EPHA7: variants seen among roughly 807,000 people sequenced by gnomAD.
The protein encoded by EPHA7 is EPH receptor A7, also known as ephrin type-A receptor 7.
Under a neutral mutation model 112.6 loss-of-function variants are expected in EPHA7, and 25 were observed. The observed-to-expected ratio is 0.22, with a 90% CI of 0.16 to 0.31. The LOEUF is 0.31. Among genes scored for constraint, EPHA7 ranks in the 10% least tolerant of loss-of-function variants. The pLI is 1.00. For synonymous variants in EPHA7, 437 were observed against 406.5 expected (o/e 1.07, Z -0.90); for missense variants, 962 against 1,212.6 (o/e 0.79, Z 3.07).
chr6:93,247,593 A>G (rs1483645512), intron 14 of EPHA7, among the ~76,000 whole-genome samples: 2 of 152,154 alleles, frequency 1.3e-5, no homozygotes, highest in South Asian at 2.1e-4. Flanking sequence ...CTTACCTTAC[A>G]CTGGCAGATT....
At chr6:93,415,647 T>G (rs1412812456) in intron 1 of EPHA7, among the ~76,000 whole-genome samples, 1 of 152,104 alleles carries the variant, frequency 6.6e-6, no homozygotes, top group Non-Finnish European at 1.5e-5. Context: ...ACTCTTTTGG[T>G]CAAACTGGTT....
chr6:93,292,585 G>A (rs1772438009), intron 5 of EPHA7, among the ~76,000 whole-genome samples: 1 of 151,944 alleles, frequency 6.6e-6, no homozygotes, highest in Admixed American at 6.6e-5. Context: ...ACTGTATTAG[G>A]CTATTAATAT....
In EPHA7 at chr6:93,356,705, C is replaced by A; in HGVS notation, c.1324+12G>T. The stretch of plus-strand genomic sequence containing the variant: ...CATTATTTCATTCAGTGAAGATAAA[C>A]ACAAAACATACCTGCTTGACCAGTG... On this transcript the variant is annotated intron_variant, in intron 5 of 16. Transcript: ENST00000369303. 1 of 1,593,874 alleles carries A rather than the reference C, an allele frequency of 6.3e-7. No homozygotes were observed.
chr6:93,392,682 C>G (rs1562151063), intron 3 of EPHA7, among the ~76,000 whole-genome samples: 1 of 151,810 alleles, frequency 6.6e-6, no homozygotes, highest in African/African-American at 2.4e-5. Context: ...AGCAAATTGC[C>G]ACCAAAGAAT....
At chr6:93,268,206 T>G (rs1771038988) in intron 7 of EPHA7, among the ~76,000 whole-genome samples, 2 of 151,704 alleles carry the variant, frequency 1.3e-5, no homozygotes, top group African/African-American at 4.8e-5. Context: ...TTTAAACTGA[T>G]GCCTTTATGT....
chr6:93,379,444 T>G (rs527421233), intron 3 of EPHA7, among the ~76,000 whole-genome samples: 1 of 152,220 alleles, frequency 6.6e-6, no homozygotes, highest in Non-Finnish European at 1.5e-5. Flanking sequence ...AGCATTATAA[T>G]AACTTTTTTT....
intron 5 of EPHA7, among the ~76,000 whole-genome samples, chr6:93,354,544 T>G (rs1775846848): frequency 6.6e-6 from 1 of 150,928 alleles, no homozygotes; most frequent in Admixed American, 6.6e-5. Context: ...AATATACGAT[T>G]AAGTATTTTT....
intron 1 of EPHA7, among the ~76,000 whole-genome samples, chr6:93,417,134 ACT>A (rs1339824423): frequency 5.9e-5 from 9 of 152,058 alleles, no homozygotes; most frequent in Admixed American, 3.3e-4. Context: ...CAAGCGTCAG[ACT>A]CTGACACGCG....
intron 3 of EPHA7, among the ~76,000 whole-genome samples, chr6:93,376,816 AAATT>A (rs1777082342): frequency 6.6e-6 from 1 of 152,114 alleles, no homozygotes; most frequent in Non-Finnish European, 1.5e-5. Context: ...CTCAAAACAT[AAATT>A]AATTGTCTTT....
intron 5 of EPHA7, 44 bp downstream of exon 5, chr6:93,356,673 G>A (rs765642180): frequency 6.6e-7 from 1 of 1,508,588 alleles, no homozygotes; most frequent in East Asian, 2.3e-5. Context: ...CCTCACTTAG[G>A]TAGTCACATT....
intron 5 of EPHA7, among the ~76,000 whole-genome samples, chr6:93,281,431 G>T (rs150701484): frequency 3.3e-5 from 5 of 152,070 alleles, no homozygotes; most frequent in Non-Finnish European, 7.4e-5. Flanking sequence ...TAGCCAAAGG[G>T]TACTTCACAA....
intron 3 of EPHA7, among the ~76,000 whole-genome samples, chr6:93,394,529 G>A (rs140279267): frequency 1.2e-3 from 182 of 151,652 alleles, no homozygotes; most frequent in Middle Eastern, 3.4e-3. Context: ...ATGCCAGGAG[G>A]AAACTATGTA....
chr6:93,369,243 A>G (rs1776664788), intron 3 of EPHA7, among the ~76,000 whole-genome samples: 1 of 151,594 alleles, frequency 6.6e-6, no homozygotes, highest in Admixed American at 6.6e-5. Context: ...AATTTTTAGA[A>G]ATAAACTAGT....
chr6:93,286,134 T>A (rs1772049103), intron 5 of EPHA7, among the ~76,000 whole-genome samples: 2 of 150,244 alleles, frequency 1.3e-5, no homozygotes, highest in Non-Finnish European at 2.9e-5. Context: ...TTGATTGTTG[T>A]TGTTTTTCCT....
chr6:93,296,257 A>G (rs1772657877), intron 5 of EPHA7, among the ~76,000 whole-genome samples: 1 of 151,012 alleles, frequency 6.6e-6, no homozygotes, highest in South Asian at 2.1e-4. Flanking sequence ...AATCAGATAT[A>G]CCATATGACC....
At chr6:93,323,630 T>A (rs1774180528) in intron 5 of EPHA7, among the ~76,000 whole-genome samples, 2 of 151,486 alleles carry the variant, frequency 1.3e-5, no homozygotes, top group African/African-American at 4.8e-5. Flanking sequence ...ATTTTATTTT[T>A]AAAATTAAAA....
intron 3 of EPHA7, among the ~76,000 whole-genome samples, chr6:93,375,659 C>A (rs1222980815): frequency 6.7e-6 from 1 of 150,262 alleles, no homozygotes; most frequent in African/African-American, 2.4e-5. Context: ...TCCTAATAGG[C>A]AGCTAGTATA....
At chr6:93,267,192 C>A (rs558049714) in intron 7 of EPHA7, among the ~76,000 whole-genome samples, 1 of 151,650 alleles carries the variant, frequency 6.6e-6, no homozygotes, top group Non-Finnish European at 1.5e-5. Flanking sequence ...ATATCCCCAA[C>A]ATTTTTTAAT....
chr6:93,340,632 C>A (rs1278964102), intron 5 of EPHA7, among the ~76,000 whole-genome samples: 1 of 151,782 alleles, frequency 6.6e-6, no homozygotes, highest in Admixed American at 6.6e-5. Flanking sequence ...GACACTCAAC[C>A]TGTAGTAAAA....
Sources: gnomAD v4.1 joint callset for allele counts (sites outside exome capture counted in the v4.1 genomes callset) on GRCh38, gnomAD v4.1.1 for gene constraint, MANE v1.5 for transcripts, NCBI Gene and HGNC (gene_info 2026-07-23, HGNC 2026-07-21) for gene names.